MYRIP: variants seen among roughly 807,000 people sequenced by gnomAD.
MYRIP encodes the protein rab effector MyRIP.
A neutral mutation model predicts 98.0 loss-of-function variants in MYRIP; 49 were observed. The ratio of observed to expected loss-of-function variants is 0.50; its 90% CI spans 0.40 to 0.63. The LOEUF (loss-of-function observed/expected upper bound fraction) is 0.63, where lower values mean the gene tolerates loss of function less well. MYRIP is among the 30% of genes least tolerant of loss of function. MYRIP has a pLI of 0.00. For missense variants in MYRIP, 1,004 were observed against 1,058.2 expected (o/e 0.95, Z 0.71); for synonymous variants, 404 against 409.5 (o/e 0.99, Z 0.16).
intron 3 of MYRIP, among the ~76,000 whole-genome samples, chr3:40,129,478 C>CAAAAAA (rs1949595096): frequency 1.4e-5 from 1 of 69,592 alleles, no homozygotes; most frequent in Non-Finnish European, 3.6e-5. Context: ...AAAAAAAAAT[C>CAAAAAA]ATGCCACCTC....
chr3:40,145,939 G>A (rs763710862), intron 3 of MYRIP, among the ~76,000 whole-genome samples: 9 of 152,186 alleles, frequency 5.9e-5, no homozygotes, highest in East Asian at 1.9e-4. Flanking sequence ...TGTCCATCAC[G>A]TACTGGATTT....
chr3:39,932,283 C>T (rs11129856), intron 2 of MYRIP, among the ~76,000 whole-genome samples: 2,328 of 152,258 alleles, frequency 0.015, 44 homozygotes, highest in East Asian at 0.094. Context: ...AAAGCGACAT[C>T]ATAGAAAAGA....
chr3:40,042,880 A>G (rs534493290), intron 2 of MYRIP, among the ~76,000 whole-genome samples: 40 of 152,312 alleles, frequency 2.6e-4, no homozygotes, highest in South Asian at 1.0e-3. Flanking sequence ...CAACTTAAAC[A>G]TGCCCAGAAC....
At chr3:40,164,158 C>G (rs1396678423) in intron 5 of MYRIP, among the ~76,000 whole-genome samples, 4 of 152,148 alleles carry the variant, frequency 2.6e-5, no homozygotes, top group Non-Finnish European at 5.9e-5. Context: ...CCTCATTTCC[C>G]CACAGCTACC....
intron 8 of MYRIP, among the ~76,000 whole-genome samples, chr3:40,178,282 C>T (rs900043699): frequency 6.6e-6 from 1 of 152,198 alleles, no homozygotes; most frequent in Admixed American, 6.5e-5. Context: ...GCTGCCCACA[C>T]AGGAGATGCA....
chr3:40,125,617 C>G (rs1014957495), intron 3 of MYRIP, among the ~76,000 whole-genome samples: 2 of 152,168 alleles, frequency 1.3e-5, no homozygotes, highest in South Asian at 4.1e-4. Context: ...TTAACCATCA[C>G]GCTAGCTATG....
At chr3:40,044,000 T>C (rs1947609175) in intron 2 of MYRIP, 50 bp from the exon 3 acceptor site, 14 of 1,567,692 alleles carry the variant, frequency 8.9e-6, no homozygotes, top group Non-Finnish European at 1.1e-5. Flanking sequence ...CCCCCTGACC[T>C]GATGTTGTGT....
chr3:39,944,108 G>GAA (rs1944848775), intron 2 of MYRIP, among the ~76,000 whole-genome samples: 1 of 152,096 alleles, frequency 6.6e-6, no homozygotes, highest in African/African-American at 2.4e-5. Flanking sequence ...ACTATTGTAG[G>GAA]CTCATACATT....
chr3:40,074,163 C>T (rs1276944916), intron 3 of MYRIP, among the ~76,000 whole-genome samples: 1 of 151,836 alleles, frequency 6.6e-6, no homozygotes, highest in African/African-American at 2.4e-5. Context: ...CAAGCTCCAC[C>T]TCCCGGGTTC....
chr3:40,177,295 C>T (rs1268995111), intron 8 of MYRIP, among the ~76,000 whole-genome samples: 1 of 152,132 alleles, frequency 6.6e-6, no homozygotes. Context: ...TTCCATATGA[C>T]CAGAAGCTCC....
At chr3:39,968,919 A>G (rs1945508974) in intron 2 of MYRIP, among the ~76,000 whole-genome samples, 1 of 152,188 alleles carries the variant, frequency 6.6e-6, no homozygotes, top group Non-Finnish European at 1.5e-5. Flanking sequence ...TTTGGGCAGT[A>G]TGACCATATC....
intron 4 of MYRIP, 106 bp from the exon 5 acceptor site, chr3:40,162,624 C>T: frequency 2.2e-6 from 2 of 927,286 alleles, no homozygotes; most frequent in South Asian, 1.5e-5. Flanking sequence ...GCTAACAACC[C>T]AAGTGTGTAA....
intron 3 of MYRIP, among the ~76,000 whole-genome samples, chr3:40,128,122 T>C (rs1201126866): frequency 6.6e-6 from 1 of 152,146 alleles, no homozygotes; most frequent in Admixed American, 6.5e-5. Flanking sequence ...TTAACCTCAG[T>C]AGGGAAGGCA....
chr3:39,861,373 C>T (rs900219706), intron 1 of MYRIP, among the ~76,000 whole-genome samples: 9 of 152,052 alleles, frequency 5.9e-5, no homozygotes, highest in Non-Finnish European at 1.0e-4. Context: ...ATTAAAGGAC[C>T]ATCAGCCCAC....
intron 2 of MYRIP, among the ~76,000 whole-genome samples, chr3:39,968,664 G>T (rs970832228): frequency 6.6e-6 from 1 of 151,988 alleles, no homozygotes; most frequent in African/African-American, 2.4e-5. Context: ...TGGGCTCCCT[G>T]TTGTTTCATT....
chr3:40,226,448 C>G (rs1437900837), intron 11 of MYRIP, among the ~76,000 whole-genome samples: 1 of 152,186 alleles, frequency 6.6e-6, no homozygotes. Flanking sequence ...ACCTCAGGTC[C>G]TTGCGACCTT....
rs570043768 is a variant in MYRIP at position 40,036,560 on chromosome 3, T to C, written c.111-7490T>C. ...AATCAATTTAAAATAGCAAGAGTTC[T>C]GCTATTGATGATTGCTGAGTAAGCT... On this transcript the variant is annotated intron_variant, in intron 2 of 16. Coordinates refer to ENST00000302541, the MANE Select transcript of MYRIP (RefSeq NM_015460.4). Among the ~76,000 whole-genome samples the C allele has an allele frequency of 1.1e-3, 164 of 152,216 alleles. 1 individual carries two copies. Among genetic ancestry groups the C allele is most frequent in the African/African-American group, 3.7e-3 (154 of 41,568 alleles).
rs569636316 is a variant in MYRIP at position 39,840,154 on chromosome 3, C to T, written c.-31+30238C>T. ...AAGTTGCTTTATGAATCTGGGTGTT[C>T]CTGTATTGGGTGCATATATATTTAG... On this transcript the variant is annotated intron_variant, in intron 1 of 16. Transcript: ENST00000302541. Among the ~76,000 whole-genome samples, 3 of 152,226 alleles carry T rather than the reference C, an allele frequency of 2.0e-5. No homozygotes were observed. The East Asian group carries it at 5.8e-4, about 29-fold the overall frequency.
chr3:39,847,744 A>C (rs760763587), intron 1 of MYRIP, among the ~76,000 whole-genome samples: 1 of 152,126 alleles, frequency 6.6e-6, no homozygotes, highest in Non-Finnish European at 1.5e-5. Context: ...TTTTGTATGA[A>C]TGCTTCCATA....
Sources: allele counts gnomAD v4.1 joint callset (sites outside exome capture counted in the v4.1 genomes callset), GRCh38; gene constraint gnomAD v4.1.1; transcripts MANE v1.5; gene names NCBI Gene and HGNC (gene_info 2026-07-23, HGNC 2026-07-21).